ARHGEF12: variants seen among roughly 807,000 people sequenced by gnomAD.
The protein encoded by ARHGEF12 is Rho guanine nucleotide exchange factor 12.
In ARHGEF12, 66 loss-of-function variants were observed where a neutral mutation model predicts 211.2. The observed-to-expected ratio is 0.31, with a 90% CI of 0.26 to 0.38. ARHGEF12 has a LOEUF of 0.38. Among genes scored for constraint, ARHGEF12 ranks in the 10% least tolerant of loss-of-function variants. The probability of loss-of-function intolerance (pLI) is 1.00; values close to 1 mark genes in which losing one functional copy is unlikely to be tolerated. For synonymous variants in ARHGEF12, 592 were observed against 638.4 expected (o/e 0.93, Z 1.09); for missense variants, 1,429 against 1,869.5 (o/e 0.76, Z 4.34).
intron 6 of ARHGEF12, 139 bp downstream of exon 6, chr11:120,421,991 T>C: frequency 1.6e-6 from 1 of 614,280 alleles, no homozygotes; most frequent in Non-Finnish European, 2.8e-6. Context: ...TATACAAACT[T>C]ATTTCATTTG....
In ARHGEF12 at chr11:120,451,508, T is replaced by C. The variant is rs753212882; in HGVS notation, c.1844-4T>C. ...CAGATTATTAACCATCATTTTCTGA[T>C]CAGTTGGCAGAGCCATGGAACTACA... is the stretch of plus-strand genomic sequence containing the variant. On this transcript the variant is annotated splice_polypyrimidine_tract_variant and splice_region_variant and intron_variant, in intron 21 of 40. Coordinates refer to ENST00000397843, the MANE Select transcript of ARHGEF12 (RefSeq NM_015313.3). 25 of 1,613,684 alleles carry C rather than the reference T, an allele frequency of 1.5e-5. No individual in the cohort carries two copies. Among genetic ancestry groups the C allele is most frequent in the Non-Finnish European group, 2.1e-5 (25 of 1,179,962 alleles).
intron 20 of ARHGEF12, 34 bp downstream of exon 20, chr11:120,448,382 C>T (rs1946106049): frequency 6.5e-7 from 1 of 1,530,126 alleles, no homozygotes; most frequent in East Asian, 2.3e-5. Context: ...CATGTTCAGG[C>T]CTTAGGGCTT....
rs1947424098 is a variant in ARHGEF12 at position 120,487,361 on chromosome 11, T to G, written c.*2284T>G. On this transcript the variant is annotated 3_prime_UTR_variant, in exon 41 of 41. Transcript: ENST00000397843. ...ACTTCCAAATAAATTCATATCTAGA[T>G]TTTCAAACAAAGCCCCAAGATGAAG... 1 of 219,286 alleles carries G rather than the reference T, an allele frequency of 4.6e-6. No homozygotes were observed. The highest frequency in any genetic ancestry group is 5.8e-5 in the Admixed American group (1 of 17,270). 13.6% of individuals were successfully genotyped at this position (219,286 alleles called of 1,614,324 possible). A position where few individuals can be genotyped will look rare whatever the true frequency, so the allele number is the denominator to read the frequency against.
At chr11:120,461,585 C>G (rs529003910) in intron 27 of ARHGEF12, among the ~76,000 whole-genome samples, 145 of 152,232 alleles carry the variant, frequency 9.5e-4, no homozygotes, top group African/African-American at 3.4e-3. Flanking sequence ...AGAGAGCTGG[C>G]CTTTCTTTTG....
At chr11:120,354,721 A>G (rs998398911) in intron 1 of ARHGEF12, among the ~76,000 whole-genome samples, 1 of 152,224 alleles carries the variant, frequency 6.6e-6, no homozygotes, top group African/African-American at 2.4e-5. Flanking sequence ...GAAGCCCACC[A>G]ACTAAATCTT....
chr11:120,384,264 G>A lies in ARHGEF12; in HGVS notation c.33-21854G>A, dbSNP rs982110798. Among the ~76,000 whole-genome samples the A allele has an allele frequency of 3.3e-5, 5 of 152,110 alleles. No individual in the cohort carries two copies. In the South Asian group the frequency reaches 8.3e-4, roughly 25 times the overall value. On this transcript the variant is annotated intron_variant, in intron 1 of 40. Transcript: ENST00000397843. ...ATAGATCACTAACTGTAGTTTTGAG[G>A]TTCTGTGATTTCCTTCAAAATTCAC...
At chr11:120,354,739 G>T (rs1459391543) in intron 1 of ARHGEF12, among the ~76,000 whole-genome samples, 1 of 152,160 alleles carries the variant, frequency 6.6e-6, no homozygotes, top group African/African-American at 2.4e-5. Context: ...CTTTTATTGA[G>T]TAAAGTATTG....
intron 1 of ARHGEF12, among the ~76,000 whole-genome samples, chr11:120,364,031 A>G (rs936420317): frequency 8.5e-5 from 13 of 152,272 alleles, no homozygotes; most frequent in Non-Finnish European, 1.6e-4. Context: ...GCAGCCTTGA[A>G]GTCCTGGGCT....
At chr11:120,466,204 T>G (rs1946702486) in intron 28 of ARHGEF12, among the ~76,000 whole-genome samples, 1 of 152,220 alleles carries the variant, frequency 6.6e-6, no homozygotes, top group Non-Finnish European at 1.5e-5. Context: ...GGAGCTGCAG[T>G]TTTCATCTGA....
chr11:120,347,183 C>CCTTCCTTCCTTCCTTTCTTTCTTTCTTT lies in ARHGEF12; in HGVS notation c.32+9911_32+9912insCCTTCCTTCCTTTCTTTCTTTCTTTCTT. 1.5e-3 allele frequency among the ~76,000 whole-genome samples: 149 copies of CCTTCCTTCCTTCCTTTCTTTCTTTCTTT among 100,174 alleles called. 1 individual carries two copies. The highest frequency in any genetic ancestry group is 1.8e-3 in the Non-Finnish European group (84 of 45,804). 65.7% of individuals were successfully genotyped at this position (100,174 alleles called of 152,430 possible). A position where few individuals can be genotyped will look rare whatever the true frequency, so the allele number is the denominator to read the frequency against. On this transcript the variant is annotated intron_variant, in intron 1 of 40. Coordinates refer to ENST00000397843, the MANE Select transcript of ARHGEF12 (RefSeq NM_015313.3). ...TCCTTCCTTCCTTCCTTCCTTCCTTCCTTTCTTTCTTTCTTTCTTTCTCTT... is the reference window on the plus strand; with the variant it reads ...TCCTTCCTTCCTTCCTTCCTTCCTTCCTTCCTTCCTTCCTTTCTTTCTTTCTTTCTTTCTTTCTTTCTTTCTTTCTCTT...
chr11:120,405,596 A>G (rs987964673), intron 1 of ARHGEF12, among the ~76,000 whole-genome samples: 5 of 152,222 alleles, frequency 3.3e-5, no homozygotes, highest in Non-Finnish European at 7.4e-5. Flanking sequence ...GACATAGATC[A>G]ATAGTGCAGT....
chr11:120,451,773 C>G (rs755051093), intron 22 of ARHGEF12, 49 bp downstream of exon 22: 1 of 1,517,740 alleles, frequency 6.6e-7, no homozygotes, highest in South Asian at 1.2e-5. Context: ...GATTTTAAAA[C>G]AAACACACTA....
At chr11:120,441,987 A>G in intron 14 of ARHGEF12, 117 bp from the exon 15 acceptor site, 1 of 852,170 alleles carries the variant, frequency 1.2e-6, no homozygotes, top group Non-Finnish European at 1.8e-6. Flanking sequence ...ATATAGTAAT[A>G]ACTACATTGT....
chr11:120,423,655 T>G (rs576986), intron 6 of ARHGEF12, among the ~76,000 whole-genome samples: 1 of 152,158 alleles, frequency 6.6e-6, no homozygotes, highest in African/African-American at 2.4e-5. Context: ...TGTGTCTCTT[T>G]GGTGTGTGTA....
intron 1 of ARHGEF12, among the ~76,000 whole-genome samples, chr11:120,366,216 A>G (rs1165867842): frequency 2.0e-5 from 3 of 152,216 alleles, no homozygotes; most frequent in African/African-American, 4.8e-5. Context: ...TGATTGTGCT[A>G]TTGCACTCCA....
intron 1 of ARHGEF12, among the ~76,000 whole-genome samples, chr11:120,356,917 A>G (rs1458530351): frequency 1.3e-5 from 2 of 152,178 alleles, no homozygotes; most frequent in East Asian, 1.9e-4. Flanking sequence ...TCTGTGAGGT[A>G]TTCACAGGTG....
chr11:120,388,010 G>A (rs907965482), intron 1 of ARHGEF12, among the ~76,000 whole-genome samples: 1 of 152,036 alleles, frequency 6.6e-6, no homozygotes, highest in Non-Finnish European at 1.5e-5. Flanking sequence ...TACACGATTA[G>A]GAAACTATCA....
rs1565487856 is a variant in ARHGEF12, at chr11:120,446,395, T to A, written c.1346-8T>A. 5 of 1,602,758 alleles carry A rather than the reference T, an allele frequency of 3.1e-6. No homozygotes were observed. The highest frequency in any genetic ancestry group is 4.3e-6 in the Non-Finnish European group (5 of 1,173,968). On this transcript the variant is annotated splice_polypyrimidine_tract_variant and splice_region_variant and intron_variant, in intron 16 of 40. Coordinates refer to ENST00000397843, the MANE Select transcript of ARHGEF12 (RefSeq NM_015313.3). ...CTTTAGATAACATAATTCCTTTCAT[T>A]TATGAAGAAAAGAGAAGACCTGAGC...
intron 1 of ARHGEF12, among the ~76,000 whole-genome samples, chr11:120,374,767 G>A (rs533975164): frequency 2.0e-5 from 3 of 151,750 alleles, no homozygotes; most frequent in East Asian, 1.9e-4. Context: ...TGTGAAAAAC[G>A]TATATGATGG....
Sources: allele counts gnomAD v4.1 joint callset (sites outside exome capture counted in the v4.1 genomes callset), GRCh38; gene constraint gnomAD v4.1.1; transcripts MANE v1.5; gene names NCBI Gene and HGNC (gene_info 2026-07-23, HGNC 2026-07-21).